MYO3B: variants seen among roughly 807,000 people sequenced by gnomAD.
MYO3B encodes the protein myosin IIIB.
A neutral mutation model predicts 174.6 loss-of-function variants in MYO3B; 156 were observed. The observed-to-expected ratio is 0.89, with a 90% CI of 0.78 to 1.02. MYO3B has a LOEUF of 1.02. Ranked by LOEUF, MYO3B falls within the 50% of genes least tolerant of loss-of-function variation. MYO3B has a pLI of 0.00. For missense variants in MYO3B, 1,632 were observed against 1,639.4 expected, an observed-to-expected ratio of 1.00 and a Z score of 0.08; for synonymous variants, 563 against 569.1, an observed-to-expected ratio of 0.99 and a Z score of 0.15.
At chr2:170,307,851 G>T (rs866261310) in intron 7 of MYO3B, among the ~76,000 whole-genome samples, 31 of 152,132 alleles carry the variant, frequency 2.0e-4, no homozygotes, top group Admixed American at 6.5e-5. Context: ...TCTAGAAAAG[G>T]GTTGTAACTT....
chr2:170,447,428 C>G (rs7561799), intron 23 of MYO3B, among the ~76,000 whole-genome samples: 28,280 of 152,114 alleles, frequency 0.19, 3,191 homozygotes, highest in African/African-American at 0.32. Context: ...GAGGCTTCAG[C>G]ATGCAAATAG....
intron 14 of MYO3B, among the ~76,000 whole-genome samples, chr2:170,388,620 G>A (rs900424281): frequency 6.6e-6 from 1 of 152,146 alleles, no homozygotes; most frequent in African/African-American, 2.4e-5. Context: ...AGATGATCAC[G>A]CTAGCTTCAA....
intron 7 of MYO3B, among the ~76,000 whole-genome samples, chr2:170,329,679 C>A (rs373246454): frequency 1.9e-4 from 29 of 151,874 alleles, no homozygotes; most frequent in Non-Finnish European, 7.4e-5. Context: ...CAGGGGTGAG[C>A]CACCATGCCC....
intron 7 of MYO3B, among the ~76,000 whole-genome samples, chr2:170,237,393 CTT>C (rs1298058804): frequency 2.0e-5 from 3 of 152,090 alleles, no homozygotes; most frequent in African/African-American, 7.2e-5. Context: ...TGTAGCTTCT[CTT>C]TAGCAAAATA....
chr2:170,600,031 G>A (rs1246481817), intron 32 of MYO3B, among the ~76,000 whole-genome samples: 1 of 151,900 alleles, frequency 6.6e-6, no homozygotes, highest in East Asian at 1.9e-4. Flanking sequence ...GCTTCTTATG[G>A]CAGTGATGGC....
intron 2 of MYO3B, 69 bp downstream of exon 2, chr2:170,199,460 C>A: frequency 8.3e-7 from 1 of 1,211,246 alleles, no homozygotes; most frequent in South Asian, 2.1e-5. Context: ...AACTTCTTTT[C>A]TTGATTTTAG....
At chr2:170,612,369 A>C (rs576566961) in intron 32 of MYO3B, among the ~76,000 whole-genome samples, 130 of 152,350 alleles carry the variant, frequency 8.5e-4, no homozygotes, top group Non-Finnish European at 1.4e-3. Flanking sequence ...AGGGCTAGTC[A>C]TTGTGCCCTG....
intron 8 of MYO3B, among the ~76,000 whole-genome samples, chr2:170,359,297 A>G (rs1387225105): frequency 6.6e-6 from 1 of 152,170 alleles, no homozygotes; most frequent in East Asian, 1.9e-4. Context: ...CTTTTCTTTC[A>G]ACACTCTTGA....
At chr2:170,442,397 A>G (rs953471179) in intron 22 of MYO3B, among the ~76,000 whole-genome samples, 2 of 151,280 alleles carry the variant, frequency 1.3e-5, no homozygotes, top group African/African-American at 4.9e-5. Flanking sequence ...TCATGTGCTT[A>G]TTTGCCCTTT....
At chr2:170,525,571 AC>A (rs1308545226) in intron 30 of MYO3B, among the ~76,000 whole-genome samples, 4 of 152,090 alleles carry the variant, frequency 2.6e-5, no homozygotes, top group Non-Finnish European at 1.5e-5. Context: ...CTTGTAACAC[AC>A]CCCCAGTGAA....
chr2:170,196,933 C>T (rs1472189105), intron 1 of MYO3B, among the ~76,000 whole-genome samples: 5 of 152,044 alleles, frequency 3.3e-5, no homozygotes, highest in Non-Finnish European at 7.4e-5. Flanking sequence ...TCAGAGGTCA[C>T]AAGACATGCA....
At chr2:170,517,635 G>A (rs994506076) in intron 29 of MYO3B, among the ~76,000 whole-genome samples, 1 of 152,152 alleles carries the variant, frequency 6.6e-6, no homozygotes, top group Non-Finnish European at 1.5e-5. Context: ...GCTGATTTGG[G>A]CCAGAGAACA....
intron 32 of MYO3B, among the ~76,000 whole-genome samples, chr2:170,563,217 T>G (rs1036336661): frequency 2.6e-5 from 4 of 151,636 alleles, no homozygotes; most frequent in Non-Finnish European, 4.4e-5. Flanking sequence ...ATTAGGATAA[T>G]TGGAGTATTG....
intron 7 of MYO3B, among the ~76,000 whole-genome samples, chr2:170,303,259 T>C (rs1019535429): frequency 3.3e-5 from 5 of 152,158 alleles, no homozygotes; most frequent in African/African-American, 7.2e-5. Context: ...GAGATGGGCA[T>C]TTAGAAGTTT....
rs149248628 is a variant in MYO3B, at chr2:170,249,565, C to T, written c.749+13429C>T. On this transcript the variant is annotated intron_variant, in intron 7 of 34. Transcript: ENST00000408978. Reference sequence around the variant, plus strand: ...GACAGAAAATATTAGAACTTCTGTTCCTAAGTATTTCAAATCAAAAAACAA... The same window carrying T: ...GACAGAAAATATTAGAACTTCTGTTTCTAAGTATTTCAAATCAAAAAACAA... Among the ~76,000 whole-genome samples the T allele has an allele frequency of 1.1e-3, 171 of 152,256 alleles. 1 individual carries two copies. The East Asian group carries it at 0.023, about 20-fold the overall frequency.
At position 170,239,450 on chromosome 2, in the gene MYO3B, G is replaced by A. The variant is rs115576808; in HGVS notation, c.749+3314G>A. Among the ~76,000 whole-genome samples the A allele has an allele frequency of 3.9e-3, 590 of 152,332 alleles. 2 individuals are homozygous for A. Among genetic ancestry groups the A allele is most frequent in the African/African-American group, 0.014 (578 of 41,572 alleles). On this transcript the variant is annotated intron_variant, in intron 7 of 34. Coordinates refer to ENST00000408978, the MANE Select transcript of MYO3B (RefSeq NM_138995.5). ...GGCATCAGTGTGGGTGGGTTCACTG[G>A]TCAGTCACTGACAGCTGCATCATCT...
intron 8 of MYO3B, among the ~76,000 whole-genome samples, chr2:170,366,877 C>A (rs2105671535): frequency 6.6e-6 from 1 of 152,280 alleles, no homozygotes; most frequent in East Asian, 1.9e-4. Context: ...CCAGTGGAGG[C>A]ATCTTTTCAT....
At chr2:170,620,871 A>C (rs1167683546) in intron 32 of MYO3B, among the ~76,000 whole-genome samples, 1 of 152,166 alleles carries the variant, frequency 6.6e-6, no homozygotes, top group Non-Finnish European at 1.5e-5. Flanking sequence ...CTAGCCTCTC[A>C]GGGTGTTTGC....
intron 22 of MYO3B, chr2:170,412,099 T>C (rs2094549386): frequency 6.6e-6 from 1 of 152,206 alleles, no homozygotes; most frequent in Admixed American, 6.5e-5. Context: ...CGGCTGAGAC[T>C]TTTCAAACTG....
Sources: gnomAD v4.1 joint callset for allele counts (sites outside exome capture counted in the v4.1 genomes callset) on GRCh38, gnomAD v4.1.1 for gene constraint, MANE v1.5 for transcripts, NCBI Gene and HGNC (gene_info 2026-07-23, HGNC 2026-07-21) for gene names.